The following COL12A1 variants were observed in gnomAD, a reference collection of about 807,000 sequenced individuals.
COL12A1 encodes the protein collagen type XII alpha 1 chain.
Under a neutral mutation model 349.7 loss-of-function variants are expected in COL12A1, and 114 were observed. That is an observed-to-expected ratio of 0.33 (90% CI 0.28 to 0.38). The LOEUF is 0.38. Among genes scored for constraint, COL12A1 ranks in the 10% least tolerant of loss-of-function variants. The pLI is 1.00. For missense variants in COL12A1, 3,284 were observed against 3,756.9 expected, an observed-to-expected ratio of 0.87 and a Z score of 3.29; for synonymous variants, 1,369 against 1,329.0, an observed-to-expected ratio of 1.03 and a Z score of -0.66.
chr6:75,131,900 A>T, intron 35 of COL12A1, 40 bp downstream of exon 35: 2 of 1,609,632 alleles, frequency 1.2e-6, no homozygotes, highest in African/African-American at 1.3e-5. Context: ...ATGTGACTAC[A>T]TTCACCAGGA....
At chr6:75,175,340 AC>A in intron 12 of COL12A1, 30 bp from the exon 13 acceptor site, 2 of 1,591,906 alleles carry the variant, frequency 1.3e-6, no homozygotes, top group East Asian at 2.2e-5. Context: ...CATCATCAAA[AC>A]CCATTATTTA....
At chr6:75,141,037 A>G (rs192354153) in intron 27 of COL12A1, among the ~76,000 whole-genome samples, 3 of 152,364 alleles carry the variant, frequency 2.0e-5, no homozygotes, top group Admixed American at 2.0e-4. Flanking sequence ...AGCTGTTGAA[A>G]TTATAATGGA....
At position 75,123,965 on chromosome 6, in the gene COL12A1, G is replaced by A; in HGVS notation, c.6854C>T (p.Ser2285Phe). 1.2e-6 allele frequency: 2 copies of A among 1,611,346 alleles called. No individual in the cohort carries two copies. Among genetic ancestry groups the A allele is most frequent in the African/African-American group, 1.3e-5 (1 of 74,924 alleles). The change falls in exon 42 of 66, where the codon TCT becomes TTT. Residue 2285 changes from serine (S) to phenylalanine (F), a missense_variant. This residue lies in a region of COL12A1 where 2,601 missense variants were observed against 2,824.8 expected (regional missense o/e 0.92). Coordinates refer to ENST00000322507, the MANE Select transcript of COL12A1 (RefSeq NM_004370.6). ...QTPNLEGPGV[S>F]VKEHTTVKPT... ...AAACTTACTGGTATGTTCTTTAACA[G>A]AGACTCCTGGTCCCTCGAGATTTGG...
At chr6:75,096,764 C>T (rs1232768832) in intron 59 of COL12A1, among the ~76,000 whole-genome samples, 1 of 151,210 alleles carries the variant, frequency 6.6e-6, no homozygotes, top group Non-Finnish European at 1.5e-5. Flanking sequence ...GGCGTAGTGG[C>T]GGGCGCCTGT....
chr6:75,147,872 C>G, intron 22 of COL12A1, 68 bp from the exon 23 acceptor site: 1 of 1,529,350 alleles, frequency 6.5e-7, no homozygotes, highest in Non-Finnish European at 8.8e-7. Flanking sequence ...ACTATACTTA[C>G]AAAGTAGTTA....
intron 65 of COL12A1, 200 bp downstream of exon 65, chr6:75,087,377 A>G (rs1767552583): frequency 7.5e-6 from 4 of 536,630 alleles, no homozygotes; most frequent in Non-Finnish European, 1.2e-5. Flanking sequence ...ACATGGGGAA[A>G]AAAGAAAATA....
chr6:75,132,339 T>A (rs946502032), intron 34 of COL12A1, among the ~76,000 whole-genome samples: 5 of 152,200 alleles, frequency 3.3e-5, no homozygotes, highest in African/African-American at 1.2e-4. Flanking sequence ...GGAACTGGAT[T>A]GGCCATAAAG....
intron 26 of COL12A1, 46 bp from the exon 27 acceptor site, chr6:75,142,207 C>T (rs1766930593): frequency 6.2e-7 from 1 of 1,608,066 alleles, no homozygotes; most frequent in Admixed American, 1.7e-5. Flanking sequence ...AAAGGGTTTA[C>T]TTTTGACATC....
chr6:75,138,420 A>T, intron 29 of COL12A1, 28 bp downstream of exon 29: 1 of 1,608,696 alleles, frequency 6.2e-7, no homozygotes, highest in Non-Finnish European at 8.5e-7. Context: ...TAAAATATCA[A>T]TGTCCTATTT....
intron 21 of COL12A1, among the ~76,000 whole-genome samples, chr6:75,149,349 C>T (rs925499998): frequency 6.6e-6 from 1 of 152,042 alleles, no homozygotes; most frequent in African/African-American, 2.4e-5. Context: ...AAAGGTTATG[C>T]TCTGTGAGGA....
At position 75,119,169 on chromosome 6, in the gene COL12A1, T is replaced by C. The variant is rs1769231619; in HGVS notation, c.7228A>G (p.Ile2410Val). Residue 2410 changes from isoleucine (I) to valine (V), a missense_variant, in exon 46 of 66, where the codon ATC becomes GTC. Physicochemically the swap from Ile to Val is conservative, Grantham distance 29. Coordinates refer to ENST00000322507, the MANE Select transcript of COL12A1 (RefSeq NM_004370.6). ...NTRTGKALTF[I>V]KEKVLTWESG... ...TCCCAAGTCAAGACTTTCTCCTTGA[T>C]AAACGTGAGGGCCTTGCCTACAGAA... 6.2e-7 allele frequency: 1 copy of C among 1,613,950 alleles called. No homozygotes were observed. Among genetic ancestry groups the C allele is most frequent in the Non-Finnish European group, 8.5e-7 (1 of 1,179,892 alleles).
At chr6:75,126,492 C>T in intron 38 of COL12A1, 22 bp from the exon 39 acceptor site, 7 of 1,602,962 alleles carry the variant, frequency 4.4e-6, no homozygotes, top group Non-Finnish European at 5.1e-6. Flanking sequence ...CATTGACACA[C>T]ATTACTGACC....
At chr6:75,116,775 A>G (rs1422247771) in intron 47 of COL12A1, among the ~76,000 whole-genome samples, 1 of 152,158 alleles carries the variant, frequency 6.6e-6, no homozygotes, top group Non-Finnish European at 1.5e-5. Flanking sequence ...CCCCTGATCA[A>G]TTATGTAGGA....
chr6:75,087,865 T>C, intron 64 of COL12A1, 118 bp from the exon 65 acceptor site: 1 of 1,082,076 alleles, frequency 9.2e-7, no homozygotes, highest in Non-Finnish European at 1.3e-6. Flanking sequence ...TACTATTGTA[T>C]GGTAAGAAAA....
At chr6:75,137,711 A>AGGG in intron 30 of COL12A1, 132 bp from the exon 31 acceptor site, 1 of 979,532 alleles carries the variant, frequency 1.0e-6, no homozygotes, top group East Asian at 2.7e-5. Context: ...CCTTAATAAA[A>AGGG]ATGGTTATTG....
At chr6:75,089,010 A>AG in intron 64 of COL12A1, 96 bp downstream of exon 64, 1 of 992,134 alleles carries the variant, frequency 1.0e-6, no homozygotes, top group East Asian at 2.6e-5. Context: ...CAAAAACAAA[A>AG]AAAAGAATAA....
chr6:75,134,883 T>C, intron 31 of COL12A1, 28 bp from the exon 32 acceptor site: 1 of 1,600,136 alleles, frequency 6.2e-7, no homozygotes, highest in Admixed American at 1.7e-5. Flanking sequence ...TTGGTAAGTG[T>C]CAGCCTTGCT....
chr6:75,120,937 G>A (rs1298882759), intron 44 of COL12A1, among the ~76,000 whole-genome samples: 1 of 152,096 alleles, frequency 6.6e-6, no homozygotes, highest in Non-Finnish European at 1.5e-5. Flanking sequence ...GTTTATCACT[G>A]ATTCTTCTAA....
intron 31 of COL12A1, among the ~76,000 whole-genome samples, chr6:75,135,977 T>C (rs1346147590): frequency 6.6e-6 from 1 of 152,208 alleles, no homozygotes; most frequent in African/African-American, 2.4e-5. Flanking sequence ...ATCATTTTCA[T>C]GATTTCACGG....
Sources: allele counts gnomAD v4.1 joint callset (sites outside exome capture counted in the v4.1 genomes callset), GRCh38; gene constraint gnomAD v4.1.1; regional missense constraint gnomAD v4.1.1; transcripts MANE v1.5; gene names NCBI Gene and HGNC (gene_info 2026-07-23, HGNC 2026-07-21).